The following LYRM4 variants were observed in gnomAD, a reference collection of about 807,000 sequenced individuals.
LYRM4 encodes the protein LYR motif-containing protein 4.
LYRM4 carries 9 observed loss-of-function variants against 11.7 expected under a neutral mutation model. That is an observed-to-expected ratio of 0.77 (90% CI 0.46 to 1.34). LYRM4 has a LOEUF of 1.34. LYRM4 is among the 40% of genes most tolerant of loss of function. The probability of loss-of-function intolerance (pLI) is 0.00; values close to 1 mark genes in which losing one functional copy is unlikely to be tolerated. For synonymous variants in LYRM4, 42 were observed against 40.4 expected (o/e 1.04, Z -0.15); for missense variants, 133 against 112.5 (o/e 1.18, Z -0.82).
Position 5,108,631 on chromosome 6 carries a change from A to G in LYRM4, c.*792T>C. 1 of 412,818 alleles carries G rather than the reference A, an allele frequency of 2.4e-6. No individual in the cohort carries two copies. Among genetic ancestry groups the G allele is most frequent in the Non-Finnish European group, 3.3e-6 (1 of 306,184 alleles). The allele number at this position is 412,818 out of a possible 1,614,324, so 25.6% of individuals were successfully genotyped here. ...TCCAACTCTCCAGGTGCTTCTGTCC[A>G]CCAGCCAGATTTGGGCACCGGTGCT... On this transcript the variant is annotated 3_prime_UTR_variant, in exon 3 of 3. Coordinates refer to ENST00000330636, the MANE Select transcript of LYRM4 (RefSeq NM_020408.6).
At chr6:5,072,576 GTTT>G in the LYRM4 span, among the ~76,000 whole-genome samples, 3 of 131,684 alleles carry the variant, frequency 2.3e-5, no homozygotes, top group African/African-American at 8.3e-5. Context: ...TCACATCAAA[GTTT>G]TTTTTTTTTT....
the LYRM4 span, among the ~76,000 whole-genome samples, chr6:5,072,994 G>A: frequency 6.6e-6 from 1 of 152,148 alleles, no homozygotes; most frequent in Non-Finnish European, 1.5e-5. Flanking sequence ...TGCATGACAT[G>A]TCTTTATAAT....
chr6:5,097,616 G>T, the LYRM4 span, among the ~76,000 whole-genome samples: 1 of 152,154 alleles, frequency 6.6e-6, no homozygotes, highest in Non-Finnish European at 1.5e-5. Flanking sequence ...CTTCTAAAGT[G>T]CTGGGATTAG....
At chr6:5,201,925 CTCTCTGAGCTCATTTCTTAACT>C (rs564468315) in intron 2 of LYRM4, among the ~76,000 whole-genome samples, 1 of 152,326 alleles carries the variant, frequency 6.6e-6, no homozygotes, top group Non-Finnish European at 1.5e-5. Context: ...GCTCCTTAAC[CTCTCTGAGCTCATTTCTTAACT>C]TCTCTGAGCC....
the LYRM4 span, chr6:5,086,577 G>T: frequency 6.7e-7 from 1 of 1,490,008 alleles, no homozygotes. Flanking sequence ...GGAGAGTTTC[G>T]AAGAGCCGTG....
chr6:5,204,755 T>C (rs970905620), intron 2 of LYRM4, among the ~76,000 whole-genome samples: 1 of 152,192 alleles, frequency 6.6e-6, no homozygotes, highest in African/African-American at 2.4e-5. Flanking sequence ...CCCGGGTGCA[T>C]CCTCAACCTT....
At chr6:5,207,239 G>A (rs1229498984) in intron 2 of LYRM4, among the ~76,000 whole-genome samples, 1 of 152,126 alleles carries the variant, frequency 6.6e-6, no homozygotes, top group Non-Finnish European at 1.5e-5. Context: ...CTGATGAAAT[G>A]AGCTGTCACA....
At chr6:5,110,962 T>C (rs381472) in intron 2 of LYRM4, among the ~76,000 whole-genome samples, 1 of 152,096 alleles carries the variant, frequency 6.6e-6, no homozygotes, top group South Asian at 2.1e-4. Flanking sequence ...GCCGCACTGG[T>C]TTTCTCAGGG....
chr6:5,168,126 A>C (rs1355922676), intron 2 of LYRM4, among the ~76,000 whole-genome samples: 2 of 151,872 alleles, frequency 1.3e-5, no homozygotes, highest in Non-Finnish European at 2.9e-5. Flanking sequence ...AAAAAACAAA[A>C]AACAGTGGGA....
At chr6:5,191,450 A>G (rs1760750270) in intron 2 of LYRM4, among the ~76,000 whole-genome samples, 1 of 152,194 alleles carries the variant, frequency 6.6e-6, no homozygotes, top group South Asian at 2.1e-4. Context: ...TGACTCAAAG[A>G]TAAGGCCTGA....
chr6:5,105,973 A>G (rs535107458), downstream of LYRM4: 1 of 152,434 alleles, frequency 6.6e-6, no homozygotes, highest in African/African-American at 2.4e-5. Context: ...TTTGCATGGA[A>G]CTACCCTCTC....
chr6:5,151,035 T>C (rs1040858592), intron 2 of LYRM4, among the ~76,000 whole-genome samples: 6 of 151,980 alleles, frequency 3.9e-5, no homozygotes, highest in Non-Finnish European at 7.4e-5. Flanking sequence ...TTATTTAACC[T>C]CTTACTCCAA....
chr6:5,188,887 G>C (rs557704714), intron 2 of LYRM4, among the ~76,000 whole-genome samples: 32 of 152,148 alleles, frequency 2.1e-4, no homozygotes, highest in African/African-American at 7.7e-4. Flanking sequence ...CCTCAGCCTC[G>C]CAAGTAGCTG....
chr6:5,198,936 C>A (rs1048579452), intron 2 of LYRM4, among the ~76,000 whole-genome samples: 1 of 152,148 alleles, frequency 6.6e-6, no homozygotes, highest in African/African-American at 2.4e-5. Context: ...AAAATTAGAA[C>A]CCTTATACCT....
chr6:5,260,408 G>T (rs997455274), intron 1 of LYRM4, among the ~76,000 whole-genome samples: 5 of 152,232 alleles, frequency 3.3e-5, no homozygotes, highest in Non-Finnish European at 7.3e-5. Flanking sequence ...AGCCTTTAGG[G>T]GGAAAACGTC....
At chr6:5,106,534 C>T (rs1762669558), downstream of LYRM4, 1 of 152,204 alleles carries the variant, frequency 6.6e-6, no homozygotes, top group Non-Finnish European at 1.5e-5. Context: ...AAGGTCACTG[C>T]TACTTAGTTA....
chr6:5,086,026 CTGGCCGCGGCGGCAG>C, the LYRM4 span: 10 of 1,493,400 alleles, frequency 6.7e-6, no homozygotes, highest in Non-Finnish European at 8.9e-6. Context: ...CGGGGGGCTG[CTGGCCGCGGCGGCAG>C]TGGCCGCGCC....
At chr6:5,253,579 G>A (rs1405013999) in intron 1 of LYRM4, among the ~76,000 whole-genome samples, 2 of 152,148 alleles carry the variant, frequency 1.3e-5, no homozygotes, top group Admixed American at 6.6e-5. Context: ...TTTGGCCTAG[G>A]AACTGCTAAC....
the LYRM4 span, among the ~76,000 whole-genome samples, chr6:5,069,648 T>C: frequency 6.6e-6 from 1 of 152,018 alleles, no homozygotes; most frequent in Non-Finnish European, 1.5e-5. Context: ...GCCTGGATAA[T>C]TTTTTGTATT....
Sources: allele counts gnomAD v4.1 joint callset (sites outside exome capture counted in the v4.1 genomes callset), GRCh38; gene constraint gnomAD v4.1.1; transcripts MANE v1.5; gene names NCBI Gene and HGNC (gene_info 2026-07-23, HGNC 2026-07-21).